The following OTUD4 variants were observed in gnomAD, a reference collection of about 807,000 sequenced individuals.
The protein encoded by OTUD4 is OTU domain-containing protein 4.
Under a neutral mutation model 130.4 loss-of-function variants are expected in OTUD4, and 24 were observed. That is an observed-to-expected ratio of 0.18 (90% CI 0.13 to 0.26). OTUD4 has a LOEUF of 0.26. Among genes scored for constraint, OTUD4 ranks in the 10% least tolerant of loss-of-function variants. OTUD4 has a pLI of 1.00. For missense variants in OTUD4, 1,031 were observed against 1,329.4 expected (o/e 0.78, Z 3.49); for synonymous variants, 420 against 472.5 (o/e 0.89, Z 1.44).
rs1751454136 is a variant in OTUD4 at position 145,159,537 on chromosome 4, T to G, written c.595A>C (p.Ser199Arg). Residue 199 changes from serine to arginine, a missense_variant, in exon 7 of 21, where the codon AGT (serine) becomes CGT (arginine). Around this residue, in one of 3 missense-constraint regions of OTUD4, gnomAD observed 900 missense variants for 1,095.9 expected, o/e 0.82. Coordinates refer to ENST00000447906, the MANE Select transcript of OTUD4 (RefSeq NM_001366057.1). Reference sequence around the variant, plus strand: ...TCATCCTCTGAATCTGATATTTCACTGTTATCTTCATCAGCTACTTCCAAC... The same window carrying G: ...TCATCCTCTGAATCTGATATTTCACGGTTATCTTCATCAGCTACTTCCAAC... Reference protein sequence around the residue: ...DTLEVADEDNSEISDSEDDSC... With the variant: ...DTLEVADEDNREISDSEDDSC... The G allele has an allele frequency of 6.2e-7, 1 of 1,613,660 alleles. No individual in the cohort carries two copies. Among genetic ancestry groups the G allele is most frequent in the Non-Finnish European group, 8.5e-7 (1 of 1,179,732 alleles).
chr4:145,139,864 G>T (rs2126737725), intron 20 of OTUD4, 87 bp downstream of exon 20: 1 of 472,444 alleles, frequency 2.1e-6, no homozygotes, highest in Non-Finnish European at 3.8e-6. Context: ...TTAGGTTACT[G>T]ACTGACAGGG....
At chr4:145,160,703 C>G (rs1030619027) in intron 6 of OTUD4, among the ~76,000 whole-genome samples, 1 of 152,098 alleles carries the variant, frequency 6.6e-6, no homozygotes, top group Non-Finnish European at 1.5e-5. Flanking sequence ...ATTCCAGCTA[C>G]GCAGGAGGCC....
At chr4:145,174,871 A>G (rs1032151404) in intron 1 of OTUD4, 127 bp from the exon 2 acceptor site, 10 of 615,852 alleles carry the variant, frequency 1.6e-5, no homozygotes, top group Non-Finnish European at 2.7e-5. Flanking sequence ...TTCCCTTTCT[A>G]TAATTTCGAT....
At chr4:145,168,941 T>C (rs919273235) in intron 3 of OTUD4, among the ~76,000 whole-genome samples, 9 of 152,246 alleles carry the variant, frequency 5.9e-5, no homozygotes, top group Admixed American at 2.0e-4. Flanking sequence ...TTGTGATAGA[T>C]ACATACACAG....
chr4:145,143,700 T>C (rs1750689763), intron 16 of OTUD4, among the ~76,000 whole-genome samples: 1 of 152,094 alleles, frequency 6.6e-6, no homozygotes, highest in African/African-American at 2.4e-5. Context: ...AAAACATCAC[T>C]CTAGAGGGAC....
In OTUD4 at chr4:145,155,938, C is replaced by T. The variant is rs767841072; in HGVS notation, c.688G>A (p.Glu230Lys). 1.2e-6 allele frequency: 2 copies of T among 1,607,636 alleles called. No homozygotes were observed. The highest frequency in any genetic ancestry group is 3.4e-5 in the Admixed American group (2 of 58,844). ...AAAACCACTTTTAAAAAAAATACCTCATTGCCTGACAAAGGTTTAAATCCA... is the reference window on the plus strand; with the variant it reads ...AAAACCACTTTTAAAAAAAATACCTTATTGCCTGACAAAGGTTTAAATCCA... ...VNGFKPLSGN[E>K]QLKNNGNSTS... Residue 230 changes from glutamate to lysine, a missense_variant and splice_region_variant, in exon 8 of 21, where the codon GAG becomes AAG. Glu to Lys is a moderately conservative substitution (Grantham distance 56, BLOSUM62 1). Transcript: ENST00000447906.
In OTUD4 at chr4:145,137,585, A is replaced by G; in HGVS notation, c.3190T>C (p.Tyr1064His). 1 of 1,613,426 alleles carries G rather than the reference A, an allele frequency of 6.2e-7. No homozygotes were observed. The highest frequency in any genetic ancestry group is 1.1e-5 in the South Asian group (1 of 91,048). ...GACTCCTCACTTCTCACATGTTGAT[A>G]TCCACCCCTACCAGAATAGCCCCAA... ...SDWGYSGRGG[Y>H]QHVRSEESWK... is the part of the protein sequence containing the mutation. Residue 1064 changes from tyrosine (Y) to histidine (H), a missense_variant, in exon 21 of 21, where the codon TAT (tyrosine) becomes CAT (histidine). Transcript: ENST00000447906.
At chr4:145,146,123 T>C (rs1750810538) in intron 14 of OTUD4, 144 bp downstream of exon 14, 1 of 469,018 alleles carries the variant, frequency 2.1e-6, no homozygotes. Flanking sequence ...AAAGGAAAAA[T>C]AGGAAAAATG....
rs1751735236 is a variant in OTUD4, at chr4:145,164,241, T to C, written c.342-15A>G. ...TAAAATCTTTCCTGAAAATAACAAT[T>C]AGAAATTATTTATAATGGACTATAC... On this transcript the variant is annotated splice_polypyrimidine_tract_variant and intron_variant, in intron 4 of 20. Coordinates refer to ENST00000447906, the MANE Select transcript of OTUD4 (RefSeq NM_001366057.1). 1.8e-6 allele frequency: 2 copies of C among 1,134,382 alleles called. No homozygotes were observed. The highest frequency in any genetic ancestry group is 1.4e-5 in the South Asian group (1 of 71,866). The allele number at this position is 1,134,382 out of a possible 1,614,324, so 70.3% of individuals were successfully genotyped here. A position where few individuals can be genotyped will look rare whatever the true frequency, so the allele number is the denominator to read the frequency against.
chr4:145,152,702 T>C (rs1376197721), intron 10 of OTUD4, 67 bp from the exon 11 acceptor site: 21 of 869,968 alleles, frequency 2.4e-5, no homozygotes, highest in African/African-American at 1.9e-4. Context: ...GCATTACTTA[T>C]CAGTTTTTTG....
rs1480106946 is a variant in OTUD4 at position 145,138,371 on chromosome 4, A to G, written c.2404T>C (p.Ser802Pro). The G allele has an allele frequency of 6.2e-7, 1 of 1,614,068 alleles. No homozygotes were observed. The highest frequency in any genetic ancestry group is 2.2e-5 in the East Asian group (1 of 44,894). The change falls in exon 21 of 21, where the codon TCT becomes CCT. Residue 802 changes from serine (S) to proline (P), a missense_variant. Transcript: ENST00000447906. ...SPLVIPPSQVSESHGQLSYQA... is the reference protein window; with the variant it reads ...SPLVIPPSQVPESHGQLSYQA... ...TAAGACAATTGTCCATGACTTTCAGACACCTGAGATGGAGGGATAACCAGA... is the reference window on the plus strand; with the variant it reads ...TAAGACAATTGTCCATGACTTTCAGGCACCTGAGATGGAGGGATAACCAGA...
intron 16 of OTUD4, 76 bp from the exon 17 acceptor site, chr4:145,143,521 A>C: frequency 3.7e-6 from 3 of 814,780 alleles, no homozygotes; most frequent in Non-Finnish European, 6.1e-6. Context: ...TTCCTTTTAT[A>C]ATTCACCCTA....
intron 5 of OTUD4, among the ~76,000 whole-genome samples, chr4:145,162,978 T>C (rs1465113891): frequency 6.6e-6 from 1 of 152,166 alleles, no homozygotes; most frequent in Non-Finnish European, 1.5e-5. Flanking sequence ...AAATAATATA[T>C]GAAAACATGC....
chr4:145,162,939 G>A (rs551112032), intron 5 of OTUD4, among the ~76,000 whole-genome samples: 207 of 152,190 alleles, frequency 1.4e-3, no homozygotes, highest in Non-Finnish European at 2.5e-3. Flanking sequence ...ATGATTTCTG[G>A]AAATGTTTAT....
At chr4:145,141,755 C>T in intron 18 of OTUD4, 116 bp from the exon 19 acceptor site, 2 of 879,354 alleles carry the variant, frequency 2.3e-6, no homozygotes, top group South Asian at 4.7e-5. Context: ...AAAGTAGTAC[C>T]TTTTAGTATC....
intron 13 of OTUD4, among the ~76,000 whole-genome samples, 190 bp downstream of exon 13, chr4:145,150,323 T>C (rs1336687575): frequency 2.0e-5 from 3 of 152,228 alleles, no homozygotes; most frequent in Non-Finnish European, 1.5e-5. Flanking sequence ...TATATATACT[T>C]CCTTGCTTTG....
At chr4:145,164,804 T>C (rs1383763073) in intron 4 of OTUD4, among the ~76,000 whole-genome samples, 1 of 152,148 alleles carries the variant, frequency 6.6e-6, no homozygotes, top group African/African-American at 2.4e-5. Flanking sequence ...AGATAAGGAA[T>C]ACCCAATTTG....
chr4:145,141,879 G>A (rs1298328717), intron 18 of OTUD4, among the ~76,000 whole-genome samples: 1 of 152,124 alleles, frequency 6.6e-6, no homozygotes, highest in East Asian at 1.9e-4. Context: ...GGCTGGTCAA[G>A]GGGTTCATTA....
At chr4:145,179,695 G>T in intron 1 of OTUD4, 120 bp downstream of exon 1, 1 of 1,408,168 alleles carries the variant, frequency 7.1e-7, no homozygotes, top group Non-Finnish European at 9.2e-7. Flanking sequence ...TGTGACGACA[G>T]CCAGGGCACG....
Sources: gnomAD v4.1 joint callset for allele counts (sites outside exome capture counted in the v4.1 genomes callset) on GRCh38, gnomAD v4.1.1 for gene constraint, gnomAD v4.1.1 regional missense constraint, MANE v1.5 for transcripts, NCBI Gene and HGNC (gene_info 2026-07-23, HGNC 2026-07-21) for gene names.